ELP2: variants seen among roughly 807,000 people sequenced by gnomAD.
ELP2 encodes elongator acetyltransferase complex subunit 2.
Under a neutral mutation model 119.2 loss-of-function variants are expected in ELP2, and 90 were observed. The ratio of observed to expected loss-of-function variants is 0.75; its 90% CI spans 0.64 to 0.90. The LOEUF (loss-of-function observed/expected upper bound fraction) is 0.90. ELP2 is among the 40% of genes least tolerant of loss of function. The probability of loss-of-function intolerance (pLI) is 0.00; values close to 1 mark genes in which losing one functional copy is unlikely to be tolerated. For synonymous variants in ELP2, 339 were observed against 331.0 expected, an observed-to-expected ratio of 1.02 and a Z score of -0.26; for missense variants, 921 against 967.8, an observed-to-expected ratio of 0.95 and a Z score of 0.64.
chr18:36,133,979 G>T (rs1000791246), intron 2 of ELP2, among the ~76,000 whole-genome samples: 2 of 134,830 alleles, frequency 1.5e-5, no homozygotes, highest in Non-Finnish European at 3.0e-5. Context: ...GCAAGATCTC[G>T]GCTCACTGCG....
intron 16 of ELP2, among the ~76,000 whole-genome samples, chr18:36,160,405 T>C (rs1474508353): frequency 1.3e-5 from 2 of 151,876 alleles, no homozygotes; most frequent in South Asian, 2.1e-4. Context: ...CGAGACCCCA[T>C]CTCTACAAAA....
Position 36,159,715 on chromosome 18 carries a change from G to C in ELP2, c.1535-20G>C. ...ATATAAAAATAGTGACTATATTCTT[G>C]ATGTGTTTCTTCAAACTAGGAGATA... On this transcript the variant is annotated intron_variant, in intron 14 of 21. Coordinates refer to ENST00000358232, the MANE Select transcript of ELP2 (RefSeq NM_018255.4). The C allele has an allele frequency of 3.9e-6, 6 of 1,550,988 alleles. No individual in the cohort carries two copies. Among genetic ancestry groups the C allele is most frequent in the Non-Finnish European group, 5.3e-6 (6 of 1,123,372 alleles).
At chr18:36,141,303 A>G in intron 6 of ELP2, 102 bp downstream of exon 6, 1 of 965,632 alleles carries the variant, frequency 1.0e-6, no homozygotes, top group South Asian at 1.3e-5. Flanking sequence ...GTTCTAATCT[A>G]AACCAAAATA....
chr18:36,152,583 G>T (rs1046737022), intron 11 of ELP2, among the ~76,000 whole-genome samples: 1 of 152,224 alleles, frequency 6.6e-6, no homozygotes, highest in African/African-American at 2.4e-5. Context: ...CCCATCTGGG[G>T]TGTTACACTT....
intron 7 of ELP2, 46 bp downstream of exon 7, chr18:36,142,393 G>A (rs2090062643): frequency 6.9e-7 from 1 of 1,457,800 alleles, no homozygotes; most frequent in South Asian, 1.1e-5. Context: ...GAACAAATAT[G>A]TGTTACTTCC....
At chr18:36,138,498 T>A in intron 4 of ELP2, 72 bp downstream of exon 4, 1 of 1,478,100 alleles carries the variant, frequency 6.8e-7, no homozygotes, top group Non-Finnish European at 9.4e-7. Context: ...TAGAAGAGCA[T>A]ATATATAATT....
At position 36,177,345 on chromosome 18, in the gene ELP2, C is replaced by G. The variant is rs1348488024; in HGVS notation, c.*2704C>G. ...AGCCTCTAAAAGGAAGATACGCTGA[C>G]ATGTGCTGCAACATGGATGAATCTT... On this transcript the variant is annotated 3_prime_UTR_variant, in exon 22 of 22. Coordinates refer to ENST00000358232, the MANE Select transcript of ELP2 (RefSeq NM_018255.4). The G allele has an allele frequency of 6.6e-6, 1 of 152,188 alleles. No individual in the cohort carries two copies. Among genetic ancestry groups the G allele is most frequent in the Non-Finnish European group, 1.5e-5 (1 of 68,058 alleles). 9.4% of individuals were successfully genotyped at this position (152,188 alleles called of 1,614,324 possible). A position where few individuals can be genotyped will look rare whatever the true frequency, so the allele number is the denominator to read the frequency against.
chr18:36,152,175 T>G, intron 11 of ELP2, among the ~76,000 whole-genome samples: 1 of 145,550 alleles, frequency 6.9e-6, no homozygotes. Context: ...CTAACCTGGG[T>G]GACAGAGTGA....
In ELP2 at chr18:36,161,018, C is replaced by G. The variant is rs1161130051; in HGVS notation, c.1761+14C>G. On this transcript the variant is annotated intron_variant, in intron 17 of 21. Transcript: ENST00000358232. The stretch of plus-strand genomic sequence containing the variant: ...TCAGCTTGTAAGGTAGGGAAGTTTA[C>G]TTTTGATTCTGCTTGGTCACAGGTT... The G allele has an allele frequency of 6.2e-7, 1 of 1,601,382 alleles. No individual in the cohort carries two copies. Among genetic ancestry groups the G allele is most frequent in the Non-Finnish European group, 8.6e-7 (1 of 1,168,646 alleles).
intron 11 of ELP2, among the ~76,000 whole-genome samples, chr18:36,150,788 A>C (rs1284562675): frequency 6.6e-6 from 1 of 152,224 alleles, no homozygotes; most frequent in Admixed American, 6.5e-5. Flanking sequence ...AACATTCCCC[A>C]ATCAGACACA....
At chr18:36,163,275 G>GTGT (rs1555644860) in intron 17 of ELP2, among the ~76,000 whole-genome samples, 20,765 of 145,404 alleles carry the variant, frequency 0.14, 1,983 homozygotes, top group African/African-American at 0.27. Context: ...GTTCATGGGG[G>GTGT]GTGTGTGTGT....
chr18:36,160,440 G>A (rs927728026), intron 16 of ELP2, among the ~76,000 whole-genome samples: 4 of 151,918 alleles, frequency 2.6e-5, no homozygotes, highest in African/African-American at 7.3e-5. Flanking sequence ...AGCCAGGCAT[G>A]ATGATGCATG....
At position 36,171,131 on chromosome 18, in the gene ELP2, CTG is replaced by C; in HGVS notation, c.2296_2297del (p.Trp766AspfsTer29). ...KTDQVPEIND[W>X]THCVETSQSQ... Reference sequence around the variant, plus strand: ...CTGATCAAGTTCCAGAAATAAATGACTGGACCCACTGTGTAGAAACAAGTCAA... The same window carrying C: ...CTGATCAAGTTCCAGAAATAAATGACGACCCACTGTGTAGAAACAAGTCAA... On this transcript the variant is annotated frameshift_variant, in exon 21 of 22. Transcript: ENST00000358232. LOFTEE classifies it high-confidence loss of function. 6.2e-7 allele frequency: 1 copy of C among 1,613,486 alleles called. No individual in the cohort carries two copies.
intron 21 of ELP2, among the ~76,000 whole-genome samples, chr18:36,171,724 T>G (rs981175172): frequency 6.6e-6 from 1 of 151,922 alleles, no homozygotes; most frequent in Non-Finnish European, 1.5e-5. Context: ...TTATTCTTTT[T>G]GTGTGTGTGT....
chr18:36,151,870 C>T (rs190413627), intron 11 of ELP2, among the ~76,000 whole-genome samples: 126 of 151,648 alleles, frequency 8.3e-4, no homozygotes, highest in Middle Eastern at 6.8e-3. Flanking sequence ...GTCTCAGCCG[C>T]CTGAGTAGCT....
chr18:36,170,936 T>G (rs2091060633), intron 20 of ELP2, 111 bp from the exon 21 acceptor site: 1 of 800,394 alleles, frequency 1.2e-6, no homozygotes, highest in East Asian at 2.7e-5. Context: ...CTGCAGAGTC[T>G]TTTGTAAGGC....
chr18:36,169,938 G>A (rs1261405131), intron 19 of ELP2, 125 bp from the exon 20 acceptor site: 1 of 1,260,358 alleles, frequency 7.9e-7, no homozygotes, highest in Non-Finnish European at 1.1e-6. Flanking sequence ...ATACACGAAT[G>A]TAATGATGCA....
intron 11 of ELP2, among the ~76,000 whole-genome samples, chr18:36,152,571 G>T (rs929744283): frequency 6.6e-6 from 1 of 152,202 alleles, no homozygotes; most frequent in Non-Finnish European, 1.5e-5. Context: ...CATATTAGCT[G>T]CCCCATCTGG....
At position 36,159,993 on chromosome 18, in the gene ELP2, T is replaced by A; in HGVS notation, c.1666T>A (p.Leu556Met). The A allele has an allele frequency of 6.2e-7, 1 of 1,614,090 alleles. No individual in the cohort carries two copies. Among genetic ancestry groups the A allele is most frequent in the Non-Finnish European group, 8.5e-7 (1 of 1,180,028 alleles). ...PTEDHLLQNT[L>M]WPEVQKLYGH... ...TGAGGATCATCTTCTGCAGAATACT[T>A]TGTGGCCTGAAGTTCAAAAACTGTA... Residue 556 changes from leucine to methionine, a missense_variant, in exon 16 of 22, where the codon TTG becomes ATG. Leu to Met is a conservative substitution (Grantham distance 15). Transcript: ENST00000358232.
Sources: allele counts gnomAD v4.1 joint callset (sites outside exome capture counted in the v4.1 genomes callset), GRCh38; gene constraint gnomAD v4.1.1; transcripts MANE v1.5; gene names NCBI Gene and HGNC (gene_info 2026-07-23, HGNC 2026-07-21).